EYS: variants seen among roughly 807,000 people sequenced by gnomAD.
EYS encodes EGF-like photoreceptor maintenance factor, also known as protein eyes shut homolog.
Under a neutral mutation model 282.1 loss-of-function variants are expected in EYS, and 250 were observed. The observed-to-expected ratio is 0.89, with a 90% CI of 0.80 to 0.98. The LOEUF is 0.98. Among genes scored for constraint, EYS ranks in the 50% least tolerant of loss-of-function variants. EYS has a pLI of 0.00. For missense variants in EYS, 4,016 were observed against 3,709.0 expected (o/e 1.08, Z -2.15); for synonymous variants, 1,355 against 1,282.9 (o/e 1.06, Z -1.20).
At chr6:65,051,670 T>C (rs182548676) in intron 13 of EYS, among the ~76,000 whole-genome samples, 21 of 151,650 alleles carry the variant, frequency 1.4e-4, no homozygotes, top group African/African-American at 4.1e-4. Context: ...ACTGAAATTT[T>C]GTATCCTTTT....
chr6:64,459,249 C>G (rs1026586826), intron 26 of EYS, among the ~76,000 whole-genome samples: 5 of 152,112 alleles, frequency 3.3e-5, no homozygotes, highest in African/African-American at 1.2e-4. Flanking sequence ...TAAAGAATAT[C>G]ATAGGCTATA....
At chr6:64,714,985 G>A (rs1583072149) in intron 22 of EYS, among the ~76,000 whole-genome samples, 1 of 151,716 alleles carries the variant, frequency 6.6e-6, no homozygotes, top group South Asian at 2.1e-4. Flanking sequence ...TTAATATGTA[G>A]GTGACCAAAG....
intron 22 of EYS, among the ~76,000 whole-genome samples, chr6:64,626,582 G>A (rs1257006681): frequency 2.0e-5 from 3 of 152,122 alleles, no homozygotes; most frequent in African/African-American, 7.2e-5. Context: ...CCACAGGGGA[G>A]AAGGCCACGT....
chr6:65,201,777 G>T (rs1325744216), intron 12 of EYS, among the ~76,000 whole-genome samples: 2 of 151,970 alleles, frequency 1.3e-5, no homozygotes, highest in African/African-American at 4.8e-5. Flanking sequence ...TGGTCTGGAG[G>T]TCATGAACAT....
intron 22 of EYS, among the ~76,000 whole-genome samples, chr6:64,790,121 T>G (rs1338926016): frequency 1.3e-5 from 2 of 152,034 alleles, no homozygotes; most frequent in Admixed American, 6.6e-5. Context: ...AACAGGAATC[T>G]TTTTTGCTTT....
intron 26 of EYS, among the ~76,000 whole-genome samples, chr6:64,559,913 C>A: frequency 6.6e-6 from 1 of 152,014 alleles, no homozygotes; most frequent in East Asian, 1.9e-4. Context: ...CCTCCTTGTA[C>A]CCTCTACCCT....
intron 41 of EYS, among the ~76,000 whole-genome samples, chr6:63,736,992 G>A (rs1225269087): frequency 6.6e-6 from 1 of 152,024 alleles, no homozygotes; most frequent in Non-Finnish European, 1.5e-5. Flanking sequence ...TTTGGGCTGA[G>A]ACAATGGGGT....
chr6:64,448,611 G>A (rs1044969758), intron 26 of EYS, among the ~76,000 whole-genome samples: 1 of 152,214 alleles, frequency 6.6e-6, no homozygotes, highest in Non-Finnish European at 1.5e-5. Context: ...CCCCCCAGTA[G>A]GGGCGGACTG....
chr6:63,819,028 G>A (rs1054093478), intron 36 of EYS, among the ~76,000 whole-genome samples: 3 of 152,018 alleles, frequency 2.0e-5, no homozygotes, highest in African/African-American at 4.8e-5. Context: ...TTTTTCCATA[G>A]CACTTATAAT....
intron 26 of EYS, among the ~76,000 whole-genome samples, chr6:64,551,995 C>T (rs1269817116): frequency 6.6e-6 from 1 of 152,164 alleles, no homozygotes; most frequent in Non-Finnish European, 1.5e-5. Context: ...GTCTCAAACT[C>T]CTGACTTCAC....
At chr6:64,808,037 TTCC>T (rs1243393447) in intron 22 of EYS, among the ~76,000 whole-genome samples, 1 of 148,706 alleles carries the variant, frequency 6.7e-6, no homozygotes, top group Non-Finnish European at 1.5e-5. Context: ...CCCTCCTTCC[TTCC>T]TCCTTTCCCT....
chr6:64,858,315 G>A (rs1766129981), intron 19 of EYS, among the ~76,000 whole-genome samples: 1 of 152,050 alleles, frequency 6.6e-6, no homozygotes, highest in East Asian at 1.9e-4. Flanking sequence ...CGTGTGTCTG[G>A]ATAGCCAGTT....
At chr6:64,358,640 T>G (rs942147197) in intron 29 of EYS, among the ~76,000 whole-genome samples, 2 of 151,602 alleles carry the variant, frequency 1.3e-5, no homozygotes, top group Admixed American at 1.3e-4. Context: ...CAGGGTCTAT[T>G]CCAAAAACCA....
rs558922153 is a variant in EYS, at chr6:63,729,876, A to C, written c.8072-3196T>G. ...TCTCATCTAATTCCATGACTTTAAGAAATACCTATACATATGATAACTCCT... is the reference window on the plus strand; with the variant it reads ...TCTCATCTAATTCCATGACTTTAAGCAATACCTATACATATGATAACTCCT... On this transcript the variant is annotated intron_variant, in intron 41 of 42. Coordinates refer to ENST00000503581, the MANE Select transcript of EYS (RefSeq NM_001142800.2). Among the ~76,000 whole-genome samples, 10 of 152,318 alleles carry C rather than the reference A, an allele frequency of 6.6e-5. No individual in the cohort carries two copies. In the South Asian group the frequency reaches 1.7e-3, roughly 25 times the overall value.
intron 33 of EYS, among the ~76,000 whole-genome samples, chr6:64,015,498 C>CA (rs1184952911): frequency 8.7e-5 from 13 of 150,072 alleles, no homozygotes; most frequent in East Asian, 7.8e-4. Flanking sequence ...GGTAAAATAG[C>CA]AAAAAATAGA....
chr6:63,849,212 A>C (rs1431460639), intron 36 of EYS, among the ~76,000 whole-genome samples: 1 of 152,154 alleles, frequency 6.6e-6, no homozygotes, highest in Admixed American at 6.5e-5. Flanking sequence ...TAAAACTCCC[A>C]TCTCCCTGGG....
At chr6:65,691,251 CT>C (rs1396995300) in intron 1 of EYS, among the ~76,000 whole-genome samples, 1 of 150,216 alleles carries the variant, frequency 6.7e-6, no homozygotes, top group Non-Finnish European at 1.5e-5. Context: ...CTGTTGCTTC[CT>C]GACTTTTTAA....
At chr6:64,225,702 T>C (rs1223107815) in intron 31 of EYS, among the ~76,000 whole-genome samples, 2 of 152,090 alleles carry the variant, frequency 1.3e-5, no homozygotes, top group East Asian at 3.9e-4. Flanking sequence ...GTTATAAGTA[T>C]GAGAATAGGG....
At chr6:64,880,531 ATC>A (rs1766881005) in intron 19 of EYS, among the ~76,000 whole-genome samples, 1 of 151,634 alleles carries the variant, frequency 6.6e-6, no homozygotes, top group Admixed American at 6.6e-5. Context: ...ACATTTGTAT[ATC>A]TGTGTTTGTA....
Sources: gnomAD v4.1 joint callset for allele counts (sites outside exome capture counted in the v4.1 genomes callset) on GRCh38, gnomAD v4.1.1 for gene constraint, MANE v1.5 for transcripts, NCBI Gene and HGNC (gene_info 2026-07-23, HGNC 2026-07-21) for gene names.